Variants in EIF4G3 observed in about 807,000 individuals in gnomAD.
The protein encoded by EIF4G3 is eukaryotic translation initiation factor 4 gamma 3, also known as eIF-4-gamma 3.
A neutral mutation model predicts 186.4 loss-of-function variants in EIF4G3; 34 were observed. The ratio of observed to expected loss-of-function variants is 0.18; its 90% CI spans 0.14 to 0.24. The LOEUF (loss-of-function observed/expected upper bound fraction) is 0.24. Ranked by LOEUF, EIF4G3 falls within the 10% of genes least tolerant of loss-of-function variation. The pLI, the probability that EIF4G3 is intolerant of heterozygous loss-of-function variation, is 1.00. For synonymous variants in EIF4G3, 673 were observed against 679.5 expected (o/e 0.99, Z 0.15); for missense variants, 1,536 against 1,948.5 (o/e 0.79, Z 3.99).
At chr1:21,076,107 A>G (rs2095581625) in intron 3 of EIF4G3, among the ~76,000 whole-genome samples, 1 of 152,224 alleles carries the variant, frequency 6.6e-6, no homozygotes, top group East Asian at 1.9e-4. Flanking sequence ...AACAAGTCTC[A>G]GCAAATTTAA....
chr1:21,050,579 TG>T (rs949508245), intron 4 of EIF4G3, among the ~76,000 whole-genome samples: 5 of 152,146 alleles, frequency 3.3e-5, no homozygotes, highest in African/African-American at 1.2e-4. Flanking sequence ...CAGTGCTTTG[TG>T]GGGGGGTTTT....
At position 20,807,184 on chromosome 1, in the gene EIF4G3, TCCCC is replaced by T; in HGVS notation, c.*131_*134del. The T allele has an allele frequency of 3.0e-6, 2 of 677,234 alleles. No homozygotes were observed. The highest frequency in any genetic ancestry group is 1.8e-5 in the African/African-American group (1 of 55,194). 42.0% of individuals were successfully genotyped at this position (677,234 alleles called of 1,614,324 possible). ...CTCCATGATCACCTTTTTTTCTCTT[TCCCC>T]TCTCCCACTCGTGCACACGTGGGGG... On this transcript the variant is annotated 3_prime_UTR_variant, in exon 37 of 37. Transcript: ENST00000602326.
intron 7 of EIF4G3, among the ~76,000 whole-genome samples, chr1:20,990,664 A>T (rs2080885062): frequency 6.6e-6 from 1 of 152,152 alleles, no homozygotes; most frequent in Non-Finnish European, 1.5e-5. Flanking sequence ...GCAAGACTCC[A>T]TCTCAAAAAA....
intron 4 of EIF4G3, among the ~76,000 whole-genome samples, chr1:21,018,790 T>C (rs1341707270): frequency 1.3e-5 from 2 of 152,142 alleles, no homozygotes; most frequent in East Asian, 1.9e-4. Flanking sequence ...TCTCTCATCA[T>C]GTGATCTCTG....
chr1:21,007,523 A>AC lies in EIF4G3; in HGVS notation c.-66-4716_-66-4715insG, dbSNP rs1267002504. On this transcript the variant is annotated intron_variant, in intron 4 of 36. Coordinates refer to ENST00000602326, the MANE Select transcript of EIF4G3 (RefSeq NM_001391906.1). ...CACAATGGGCCCCTCCTTAAAAAAA[A>AC]AAAAAAAAAAAAAACACACTCAAAA... Among the ~76,000 whole-genome samples the AC allele has an allele frequency of 2.4e-4, 33 of 139,420 alleles. 2 individuals carry two copies. Among genetic ancestry groups the AC allele is most frequent in the African/African-American group, 8.9e-4 (33 of 36,980 alleles). The allele number at this position is 139,420 out of a possible 152,430, so 91.5% of individuals were successfully genotyped here.
chr1:20,827,167 A>T (rs1553190365), intron 32 of EIF4G3, among the ~76,000 whole-genome samples: 1 of 152,156 alleles, frequency 6.6e-6, no homozygotes, highest in Non-Finnish European at 1.5e-5. Context: ...TTGTGATGCC[A>T]CAACACTTCC....
At chr1:21,091,673 A>C (rs2096206906) in intron 2 of EIF4G3, among the ~76,000 whole-genome samples, 1 of 152,110 alleles carries the variant, frequency 6.6e-6, no homozygotes. Flanking sequence ...TTCGTTGAGC[A>C]GTAGTTTGTA....
At chr1:20,993,737 C>T (rs528286047) in intron 7 of EIF4G3, among the ~76,000 whole-genome samples, 1 of 152,188 alleles carries the variant, frequency 6.6e-6, no homozygotes, top group African/African-American at 2.4e-5. Context: ...AAGCAAACTA[C>T]CACCGATGAA....
intron 2 of EIF4G3, among the ~76,000 whole-genome samples, chr1:21,110,718 C>T (rs1467987091): frequency 1.4e-5 from 2 of 140,568 alleles, no homozygotes; most frequent in Admixed American, 1.5e-4. Flanking sequence ...AGGTGTGAGG[C>T]ACCACGCCCA....
At chr1:21,015,091 G>T (rs2088538669) in intron 4 of EIF4G3, among the ~76,000 whole-genome samples, 1 of 149,170 alleles carries the variant, frequency 6.7e-6, no homozygotes. Flanking sequence ...AGGAGGGGGG[G>T]AAGAAAAGAA....
At chr1:20,961,299 C>T (rs1484032099) in intron 12 of EIF4G3, among the ~76,000 whole-genome samples, 3 of 152,130 alleles carry the variant, frequency 2.0e-5, no homozygotes, top group Non-Finnish European at 4.4e-5. Context: ...AGGAGAATCG[C>T]TTGAACCAGG....
At chr1:20,978,993 C>T (rs1210743131) in intron 10 of EIF4G3, among the ~76,000 whole-genome samples, 1 of 151,578 alleles carries the variant, frequency 6.6e-6, no homozygotes, top group Non-Finnish European at 1.5e-5. Flanking sequence ...TTTTAGGAAA[C>T]TGGTTAATGG....
chr1:20,864,508 T>C lies in EIF4G3; in HGVS notation c.2974A>G (p.Ile992Val). 1 of 1,614,178 alleles carries C rather than the reference T, an allele frequency of 6.2e-7. No individual in the cohort carries two copies. Among genetic ancestry groups the C allele is most frequent in the Admixed American group, 1.7e-5 (1 of 60,010 alleles). Residue 992 changes from isoleucine (I) to valine (V), a missense_variant, in exon 22 of 37, where the codon ATT (isoleucine) becomes GTT (valine). Physicochemically the swap from Ile to Val is conservative, Grantham distance 29. Around this residue, in one of 11 missense-constraint regions of EIF4G3, gnomAD observed 110 missense variants for 166.2 expected, o/e 0.66. Transcript: ENST00000602326. The part of the protein sequence containing the change: ...LECLCRLLTT[I>V]GKDLDFEKAK... ...TTTTCAAAGTCCAAGTCTTTGCCAA[T>C]GGTGGTGAGCAGGCGACACAGGCAC...
intron 2 of EIF4G3, among the ~76,000 whole-genome samples, chr1:21,143,492 G>A (rs968805140): frequency 1.1e-4 from 16 of 152,132 alleles, no homozygotes; most frequent in South Asian, 2.1e-4. Flanking sequence ...AGAAAGTCTG[G>A]AGAAAGACTT....
chr1:20,962,861 C>T (rs541990028), intron 12 of EIF4G3, among the ~76,000 whole-genome samples: 1 of 150,970 alleles, frequency 6.6e-6, no homozygotes, highest in Non-Finnish European at 1.5e-5. Flanking sequence ...GTATGTACTA[C>T]AGTTAATTTT....
chr1:20,894,750 ATGAAAT>A (rs2087352953), intron 17 of EIF4G3, among the ~76,000 whole-genome samples: 1 of 152,210 alleles, frequency 6.6e-6, no homozygotes, highest in South Asian at 2.1e-4. Context: ...ATCAGCTCTG[ATGAAAT>A]TACTTTAGTA....
intron 18 of EIF4G3, among the ~76,000 whole-genome samples, chr1:20,891,450 A>G (rs2154555556): frequency 6.6e-6 from 1 of 152,050 alleles, no homozygotes; most frequent in South Asian, 2.1e-4. Flanking sequence ...AAATTTCAAC[A>G]TTAAAAAGGG....
At chr1:20,998,880 C>A in intron 6 of EIF4G3, 1 of 405,804 alleles carries the variant, frequency 2.5e-6, no homozygotes, top group South Asian at 1.8e-5. Flanking sequence ...AAATATATGT[C>A]TTTGGCTCTC....
intron 14 of EIF4G3, among the ~76,000 whole-genome samples, chr1:20,919,332 C>T (rs1428738919): frequency 6.6e-6 from 1 of 152,088 alleles, no homozygotes; most frequent in African/African-American, 2.4e-5. Context: ...CCTCAGCCTC[C>T]CGTATAGCTG....
Sources: gnomAD v4.1 joint callset for allele counts (sites outside exome capture counted in the v4.1 genomes callset) on GRCh38, gnomAD v4.1.1 for gene constraint, gnomAD v4.1.1 regional missense constraint, MANE v1.5 for transcripts, NCBI Gene and HGNC (gene_info 2026-07-23, HGNC 2026-07-21) for gene names.